The following GLTP variants were observed in gnomAD, a reference collection of about 807,000 sequenced individuals.
GLTP encodes the protein glycolipid transfer protein.
In GLTP, 22 loss-of-function variants were observed where a neutral mutation model predicts 24.0. That is an observed-to-expected ratio of 0.92 (90% CI 0.65 to 1.31). GLTP has a LOEUF of 1.31. Ranked by LOEUF, GLTP falls within the 50% of genes most tolerant of loss-of-function variation. The probability of loss-of-function intolerance (pLI) is 0.00; values close to 1 mark genes in which losing one functional copy is unlikely to be tolerated. For synonymous variants in GLTP, 92 were observed against 115.9 expected, an observed-to-expected ratio of 0.79 and a Z score of 1.33; for missense variants, 224 against 276.6, an observed-to-expected ratio of 0.81 and a Z score of 1.35.
Position 109,852,314 on chromosome 12 carries a change from G to A in GLTP, c.*241C>T, listed in dbSNP as rs554878639. 96 of 407,640 alleles carry A rather than the reference G, an allele frequency of 2.4e-4. No homozygotes were observed. Among genetic ancestry groups the A allele is most frequent in the African/African-American group, 1.2e-3 (56 of 45,708 alleles). 25.3% of individuals were successfully genotyped at this position (407,640 alleles called of 1,614,324 possible). On this transcript the variant is annotated 3_prime_UTR_variant, in exon 5 of 5. Coordinates refer to ENST00000318348, the MANE Select transcript of GLTP (RefSeq NM_016433.4). Reference sequence around the variant, plus strand: ...AGGTATAAAGTCAGTCTGTGCTGTCGTGAAATTCCAAGGAGATTTGGAAGT... The same window carrying A: ...AGGTATAAAGTCAGTCTGTGCTGTCATGAAATTCCAAGGAGATTTGGAAGT...
In GLTP at chr12:109,878,951, C is replaced by T. The variant is rs377577037; in HGVS notation, c.103+1321G>A. ...CTGGATTCAGGAACTTAAAACCACA[C>T]CCCCTACAGCGAAGACCTATTTGGC... On this transcript the variant is annotated intron_variant, in intron 1 of 4. Transcript: ENST00000318348. Among the ~76,000 whole-genome samples the T allele has an allele frequency of 5.7e-4, 87 of 152,340 alleles. No homozygotes were observed. In the South Asian group the frequency reaches 0.016, roughly 28 times the overall value.
chr12:109,852,546 T>TG lies in GLTP; in HGVS notation c.*8dup. 1 of 1,579,722 alleles carries TG rather than the reference T, an allele frequency of 6.3e-7. No individual in the cohort carries two copies. Among genetic ancestry groups the TG allele is most frequent in the Non-Finnish European group, 8.7e-7 (1 of 1,151,450 alleles). On this transcript the variant is annotated 3_prime_UTR_variant, in exon 5 of 5. Transcript: ENST00000318348. ...CACGAGTCGGGGACGTGTCCAGCAGTGGGCATGCCTACACCTTGTAGTTAA... is the reference window on the plus strand; with the variant it reads ...CACGAGTCGGGGACGTGTCCAGCAGTGGGGCATGCCTACACCTTGTAGTTAA...
intron 1 of GLTP, among the ~76,000 whole-genome samples, chr12:109,874,274 C>T (rs745792596): frequency 6.6e-6 from 1 of 152,154 alleles, no homozygotes; most frequent in African/African-American, 2.4e-5. Flanking sequence ...TCTCTGGCCT[C>T]GGTTTCTTTG....
At chr12:109,858,230 G>C in intron 2 of GLTP, 1 of 457,614 alleles carries the variant, frequency 2.2e-6, no homozygotes, top group Non-Finnish European at 4.4e-6. Context: ...AGCCTCAAAG[G>C]GCTGCTGGGA....
intron 1 of GLTP, among the ~76,000 whole-genome samples, chr12:109,860,852 C>A (rs141856235): frequency 6.6e-6 from 1 of 152,324 alleles, no homozygotes; most frequent in Non-Finnish European, 1.5e-5. Flanking sequence ...CAGGCTGTCA[C>A]AGGACATCTT....
chr12:109,865,861 C>A (rs1868511862), intron 1 of GLTP, among the ~76,000 whole-genome samples: 1 of 152,202 alleles, frequency 6.6e-6, no homozygotes, highest in South Asian at 2.1e-4. Context: ...GCAAACGGCC[C>A]CTTCTGTTTA....
intron 1 of GLTP, among the ~76,000 whole-genome samples, chr12:109,875,175 G>T (rs966032502): frequency 6.6e-6 from 1 of 152,162 alleles, no homozygotes; most frequent in Non-Finnish European, 1.5e-5. Flanking sequence ...TACTAGCACC[G>T]AGTGTTACAC....
At chr12:109,862,567 C>T (rs573577183) in intron 1 of GLTP, among the ~76,000 whole-genome samples, 60 of 152,236 alleles carry the variant, frequency 3.9e-4, no homozygotes, top group African/African-American at 1.4e-3. Flanking sequence ...CTCCAGCTGA[C>T]GGCTTTACAT....
Position 109,852,627 on chromosome 12 carries a change from G to A in GLTP, c.558C>T (p.Asn186=). Residue 186 remains asparagine (N), a synonymous_variant, in exon 5 of 5, where the codon AAC becomes AAT. Coordinates refer to ENST00000318348, the MANE Select transcript of GLTP (RefSeq NM_016433.4). ...AGATGACATCGATGGTCGCCGTGTA[G>A]TTGACTAGGAAGAGGCGGATCTTCT... ...CLEKIRLFLV[N]YTATIDVIYE... 1.2e-6 allele frequency: 2 copies of A among 1,605,676 alleles called. No homozygotes were observed. The highest frequency in any genetic ancestry group is 1.7e-6 in the Non-Finnish European group (2 of 1,172,392).
At position 109,852,403 on chromosome 12, in the gene GLTP, C is replaced by G; in HGVS notation, c.*152G>C. On this transcript the variant is annotated 3_prime_UTR_variant, in exon 5 of 5. Transcript: ENST00000318348. ...AAAAAAAAAAAAAAGACTTAAAAAA[C>G]GAGGGCTGTCCCCTGCAGACTCTGG... is the stretch of plus-strand genomic sequence containing the variant. The G allele has an allele frequency of 5.7e-6, 2 of 353,982 alleles. No individual in the cohort carries two copies. The highest frequency in any genetic ancestry group is 1.0e-4 in the South Asian group (2 of 19,542). 21.9% of individuals were successfully genotyped at this position (353,982 alleles called of 1,614,324 possible).
intron 1 of GLTP, among the ~76,000 whole-genome samples, chr12:109,870,309 T>C (rs1271989370): frequency 1.3e-5 from 2 of 151,776 alleles, no homozygotes; most frequent in Admixed American, 1.3e-4. Flanking sequence ...CTACTAAAAA[T>C]ACAAAAATTA....
chr12:109,877,506 AG>A (rs1196848440), intron 1 of GLTP, among the ~76,000 whole-genome samples: 1 of 152,028 alleles, frequency 6.6e-6, no homozygotes, highest in Non-Finnish European at 1.5e-5. Flanking sequence ...CAATCTGGGG[AG>A]GGGGTGCTAC....
At chr12:109,853,394 T>C (rs541141785) in intron 4 of GLTP, among the ~76,000 whole-genome samples, 1 of 152,022 alleles carries the variant, frequency 6.6e-6, no homozygotes, top group Non-Finnish European at 1.5e-5. Flanking sequence ...TACAACTAGA[T>C]AAAAAGCTTA....
chr12:109,873,817 A>AC (rs1868803094), intron 1 of GLTP, among the ~76,000 whole-genome samples: 1 of 149,316 alleles, frequency 6.7e-6, no homozygotes, highest in South Asian at 2.1e-4. Flanking sequence ...TCTTAAACAA[A>AC]ACACACACAC....
chr12:109,861,882 T>G (rs1868377026), intron 1 of GLTP, among the ~76,000 whole-genome samples: 1 of 152,218 alleles, frequency 6.6e-6, no homozygotes, highest in Non-Finnish European at 1.5e-5. Flanking sequence ...AATGACATCA[T>G]CGTGGAAGCC....
chr12:109,858,582 G>A (rs1892832258), intron 2 of GLTP, 101 bp downstream of exon 2: 1 of 840,682 alleles, frequency 1.2e-6, no homozygotes, highest in Non-Finnish European at 2.1e-6. Context: ...TCCCTTCCTT[G>A]GGGTGGGAAG....
rs1333772544 is a variant in GLTP, at chr12:109,876,239, AG to A, written c.103+4032del. On this transcript the variant is annotated intron_variant, in intron 1 of 4. Coordinates refer to ENST00000318348, the MANE Select transcript of GLTP (RefSeq NM_016433.4). ...GTGCCTGTAATCCCAGCTACTTGGG[AG>A]GCCGAGGCATGAGGATCACTTGAAC... Among the ~76,000 whole-genome samples, 6 of 152,282 alleles carry A rather than the reference AG, an allele frequency of 3.9e-5. No homozygotes were observed. In the South Asian group the frequency reaches 1.2e-3, roughly 32 times the overall value.
In GLTP at chr12:109,855,948, T is replaced by C. The variant is rs773199767; in HGVS notation, c.297-179A>G. Among the ~76,000 whole-genome samples, 13 of 152,088 alleles carry C rather than the reference T, an allele frequency of 8.5e-5. No individual in the cohort carries two copies. The South Asian group carries it at 1.0e-3, about 12-fold the overall frequency. On this transcript the variant is annotated intron_variant, in intron 3 of 4. Coordinates refer to ENST00000318348, the MANE Select transcript of GLTP (RefSeq NM_016433.4). This position sits in a 1 kb window ranked among gnomAD's most constrained non-coding sequence, Gnocchi z 4.1. ...CAAGTAACGTGACCACTTGGCTCCATTGACTATCTCCCGAGCACCTTCTCT... is the reference window on the plus strand; with the variant it reads ...CAAGTAACGTGACCACTTGGCTCCACTGACTATCTCCCGAGCACCTTCTCT...
At chr12:109,878,369 T>A (rs949104447) in intron 1 of GLTP, among the ~76,000 whole-genome samples, 39 of 152,302 alleles carry the variant, frequency 2.6e-4, no homozygotes, top group African/African-American at 8.2e-4. Context: ...GCAGGACTGT[T>A]CTGTGCACTG....
Sources: allele counts gnomAD v4.1 joint callset (sites outside exome capture counted in the v4.1 genomes callset), GRCh38; gene constraint gnomAD v4.1.1; non-coding constraint Gnocchi (gnomAD v3.1); transcripts MANE v1.5; gene names NCBI Gene and HGNC (gene_info 2026-07-23, HGNC 2026-07-21).